ZNF385B: variants seen among roughly 807,000 people sequenced by gnomAD.
ZNF385B encodes the protein zinc finger protein 385B, also known as zinc finger protein 533.
ZNF385B carries 23 observed loss-of-function variants against 39.2 expected under a neutral mutation model. The ratio of observed to expected loss-of-function variants is 0.59; its 90% CI spans 0.42 to 0.83. The LOEUF (loss-of-function observed/expected upper bound fraction) is 0.83. Ranked by LOEUF, ZNF385B falls within the 40% of genes least tolerant of loss-of-function variation. The probability of loss-of-function intolerance (pLI) is 0.00; values close to 1 mark genes in which losing one functional copy is unlikely to be tolerated. For missense variants in ZNF385B, 552 were observed against 598.9 expected, an observed-to-expected ratio of 0.92 and a Z score of 0.82; for synonymous variants, 205 against 222.6, an observed-to-expected ratio of 0.92 and a Z score of 0.70.
intron 6 of ZNF385B, among the ~76,000 whole-genome samples, chr2:179,469,277 C>T (rs943103707): frequency 5.9e-5 from 9 of 152,132 alleles, no homozygotes; most frequent in South Asian, 2.1e-4. Flanking sequence ...CTAACACTAA[C>T]GATAGCTGAT....
At chr2:179,552,291 C>T (rs947764014) in intron 3 of ZNF385B, among the ~76,000 whole-genome samples, 5 of 149,298 alleles carry the variant, frequency 3.3e-5, no homozygotes, top group Non-Finnish European at 5.9e-5. Context: ...AAGAAAACAC[C>T]TCATTCTTCA....
chr2:179,819,518 C>T (rs538639121), intron 1 of ZNF385B, among the ~76,000 whole-genome samples: 1 of 152,328 alleles, frequency 6.6e-6, no homozygotes, highest in South Asian at 2.1e-4. Context: ...TCCACCCCTT[C>T]CAAGCCTTGA....
chr2:179,832,566 A>G (rs1708040715), intron 1 of ZNF385B, among the ~76,000 whole-genome samples: 1 of 152,256 alleles, frequency 6.6e-6, no homozygotes, highest in South Asian at 2.1e-4. Context: ...CTACCAAGTC[A>G]GAAAGCAAAT....
intron 3 of ZNF385B, among the ~76,000 whole-genome samples, chr2:179,555,260 T>C (rs1260267293): frequency 6.7e-6 from 1 of 149,608 alleles, no homozygotes; most frequent in Admixed American, 6.6e-5. Context: ...ATACCATTTA[T>C]ATAAAGCGTA....
chr2:179,757,589 T>C (rs1703122158), intron 3 of ZNF385B, among the ~76,000 whole-genome samples: 1 of 152,186 alleles, frequency 6.6e-6, no homozygotes, highest in Non-Finnish European at 1.5e-5. Flanking sequence ...GCAGGCCTCC[T>C]TGAACTGCAG....
chr2:179,446,194 G>A (rs541331613), intron 7 of ZNF385B, among the ~76,000 whole-genome samples: 1 of 152,154 alleles, frequency 6.6e-6, no homozygotes, highest in South Asian at 2.1e-4. Context: ...GCTTTAGGTT[G>A]TTTCCATTTT....
At chr2:179,518,882 C>T (rs756068201) in intron 4 of ZNF385B, among the ~76,000 whole-genome samples, 84 of 152,216 alleles carry the variant, frequency 5.5e-4, no homozygotes, top group Non-Finnish European at 5.1e-4. Flanking sequence ...GAGAGAATCA[C>T]CATATTTCCA....
intron 3 of ZNF385B, among the ~76,000 whole-genome samples, chr2:179,572,909 G>A (rs1162165293): frequency 1.3e-5 from 2 of 152,088 alleles, no homozygotes; most frequent in African/African-American, 4.8e-5. Flanking sequence ...TCTTGAATGA[G>A]GCTCTCATTT....
chr2:179,485,825 G>A (rs2054509131), intron 5 of ZNF385B, among the ~76,000 whole-genome samples: 1 of 152,180 alleles, frequency 6.6e-6, no homozygotes, highest in African/African-American at 2.4e-5. Flanking sequence ...CTAAGGATAG[G>A]TTTTGGACAT....
rs192554834 is a variant in ZNF385B at position 179,823,022 on chromosome 2, G to A, written c.-155+38079C>T. On this transcript the variant is annotated intron_variant, in intron 1 of 9. Coordinates refer to ENST00000410066, the MANE Select transcript of ZNF385B (RefSeq NM_152520.6). ...TCTAAAGATGGGTTCTCTTCTTTTC[G>A]GAGGGGAGAAAAACAGTAAGTGTTC... Among the ~76,000 whole-genome samples, 380 of 152,112 alleles carry A rather than the reference G, an allele frequency of 2.5e-3. 2 individuals are homozygous for A. Among genetic ancestry groups the A allele is most frequent in the African/African-American group, 8.7e-3 (362 of 41,490 alleles).
chr2:179,688,595 G>A (rs1396969571), intron 3 of ZNF385B, among the ~76,000 whole-genome samples: 1 of 152,176 alleles, frequency 6.6e-6, no homozygotes, highest in East Asian at 1.9e-4. Flanking sequence ...CTGAGGCTGT[G>A]CCAAATGTGT....
intron 3 of ZNF385B, among the ~76,000 whole-genome samples, chr2:179,748,222 A>G (rs1263731288): frequency 6.6e-6 from 1 of 152,072 alleles, no homozygotes; most frequent in Non-Finnish European, 1.5e-5. Flanking sequence ...ACGATGACAA[A>G]ACTAGGACAT....
chr2:179,529,408 T>C (rs529827864), intron 4 of ZNF385B, among the ~76,000 whole-genome samples: 14 of 152,230 alleles, frequency 9.2e-5, no homozygotes, highest in Non-Finnish European at 1.9e-4. Context: ...AGAAAGTTCT[T>C]GATAGGGTTT....
chr2:179,785,488 G>C (rs546163212), intron 1 of ZNF385B, among the ~76,000 whole-genome samples: 2 of 152,230 alleles, frequency 1.3e-5, no homozygotes, highest in Non-Finnish European at 2.9e-5. Context: ...GAAAGGATTT[G>C]CCATTTCGAT....
chr2:179,749,178 TA>T (rs538463338), intron 3 of ZNF385B, among the ~76,000 whole-genome samples: 1 of 150,586 alleles, frequency 6.6e-6, no homozygotes, highest in Non-Finnish European at 1.5e-5. Flanking sequence ...GGCTATGATT[TA>T]AAAAAAAAGC....
At chr2:179,632,935 A>T (rs1317676087) in intron 3 of ZNF385B, among the ~76,000 whole-genome samples, 1 of 152,246 alleles carries the variant, frequency 6.6e-6, no homozygotes, top group Non-Finnish European at 1.5e-5. Context: ...CTATATGCAA[A>T]TAAACTAGAA....
At chr2:179,760,619 C>A (rs1331974174) in intron 3 of ZNF385B, among the ~76,000 whole-genome samples, 2 of 152,056 alleles carry the variant, frequency 1.3e-5, no homozygotes, top group Non-Finnish European at 2.9e-5. Context: ...TGAGTGCTAT[C>A]TTTTTTACAA....
intron 4 of ZNF385B, among the ~76,000 whole-genome samples, chr2:179,533,446 T>G (rs924517827): frequency 2.6e-5 from 4 of 152,228 alleles, no homozygotes; most frequent in Non-Finnish European, 5.9e-5. Context: ...TTTATGCATA[T>G]GTACATACCC....
intron 5 of ZNF385B, among the ~76,000 whole-genome samples, chr2:179,507,062 A>G (rs1374878389): frequency 1.3e-5 from 2 of 152,194 alleles, no homozygotes; most frequent in East Asian, 1.9e-4. Context: ...ATGCAGAACT[A>G]AAGTGAGAGA....
Sources: allele counts gnomAD v4.1 joint callset (sites outside exome capture counted in the v4.1 genomes callset), GRCh38; gene constraint gnomAD v4.1.1; transcripts MANE v1.5; gene names NCBI Gene and HGNC (gene_info 2026-07-23, HGNC 2026-07-21).